The following ZSCAN18 variants were observed in gnomAD, a reference collection of about 807,000 sequenced individuals.
The protein encoded by ZSCAN18 is zinc finger and SCAN domain containing 18.
Under a neutral mutation model 31.1 loss-of-function variants are expected in ZSCAN18, and 16 were observed. The observed-to-expected ratio is 0.51, with a 90% confidence interval of 0.35 to 0.78. ZSCAN18 has a LOEUF of 0.78. Ranked by LOEUF, ZSCAN18 falls within the 30% of genes least tolerant of loss-of-function variation. ZSCAN18 has a pLI of 0.01. For synonymous variants in ZSCAN18, 375 were observed against 320.7 expected, an observed-to-expected ratio of 1.17 and a Z score of -1.81; for missense variants, 731 against 697.4, an observed-to-expected ratio of 1.05 and a Z score of -0.54.
At chr19:58,111,342 A>AC (rs1166767702) in intron 1 of ZSCAN18, among the ~76,000 whole-genome samples, 1 of 151,370 alleles carries the variant, frequency 6.6e-6, no homozygotes, top group Admixed American at 6.6e-5. Flanking sequence ...TTAAAACTGA[A>AC]CCCCCCGAAA....
At chr19:58,094,045 G>T (rs1427129303) in intron 1 of ZSCAN18, among the ~76,000 whole-genome samples, 1 of 151,992 alleles carries the variant, frequency 6.6e-6, no homozygotes, top group Non-Finnish European at 1.5e-5. Context: ...GATTACAAGA[G>T]TGAGCCACTG....
At chr19:58,088,648 T>G (rs561260817) in intron 3 of ZSCAN18, 40 bp downstream of exon 3, 3 of 1,594,814 alleles carry the variant, frequency 1.9e-6, no homozygotes, top group South Asian at 2.2e-5. Flanking sequence ...ACACCCCACC[T>G]AAGGCCCAGC....
chr19:58,086,213 G>A lies in ZSCAN18; in HGVS notation c.799C>T (p.Arg267Trp), dbSNP rs181607989. Reference protein sequence around the residue: ...AASRLDTEELRLVERDPQGSS... With the variant: ...AASRLDTEELWLVERDPQGSS... ...CCTTGTGGATCTCTTTCCACCAACC[G>A]GAGTTCCTCAGTGTCCAGCCTGGAG... Residue 267 changes from arginine to tryptophan, a missense_variant, in exon 6 of 7, where the codon CGG becomes TGG. Physicochemically the swap from Arg to Trp is moderately radical, Grantham distance 101 (BLOSUM62 -3). This residue lies in a region of ZSCAN18 where 597 missense variants were observed against 499.5 expected (regional missense o/e 1.20). Coordinates refer to ENST00000601144, the MANE Select transcript of ZSCAN18 (RefSeq NM_001145543.2). 215 of 1,613,926 alleles carry A rather than the reference G, an allele frequency of 1.3e-4. 1 individual carries two copies. The East Asian group carries it at 2.5e-3, about 19-fold the overall frequency.
rs1349222967 is a variant in ZSCAN18 at position 58,106,725 on chromosome 19, A to AAAAG, written c.130+11538_130+11541dup. Reference sequence around the variant, plus strand: ...TCTCAAAAAAAAAAAAAAAAAAAAAAAAAGAAAGAAAGAAAAAAAGACATC... The same window carrying AAAAG: ...TCTCAAAAAAAAAAAAAAAAAAAAAAAAAGAAAGAAAGAAAGAAAAAAAGACATC... On this transcript the variant is annotated intron_variant, in intron 1 of 1. Transcript: ENST00000595721. Among the ~76,000 whole-genome samples, 10 of 9,822 alleles carry AAAAG rather than the reference A, an allele frequency of 1.0e-3. 2 individuals carry two copies. Among genetic ancestry groups the AAAAG allele is most frequent in the South Asian group, 5.8e-3 (2 of 342 alleles). 6.4% of individuals were successfully genotyped at this position (9,822 alleles called of 152,430 possible).
In ZSCAN18 at chr19:58,084,572, A is replaced by AC. The variant is rs2074219946; in HGVS notation, c.*112dup. ...AGCGGATTCAGGGCACAGGCAGAGG[A>AC]CGTCCACAAACACCACAGGAAGCCG... is the stretch of plus-strand genomic sequence containing the variant. On this transcript the variant is annotated 3_prime_UTR_variant, in exon 7 of 7. Coordinates refer to ENST00000601144, the MANE Select transcript of ZSCAN18 (RefSeq NM_001145543.2). The surrounding 1 kb of genome is among the most constrained non-coding windows in gnomAD (Gnocchi z 4.5). 4 of 1,063,980 alleles carry AC rather than the reference A, an allele frequency of 3.8e-6. No individual in the cohort carries two copies. In the South Asian group the frequency reaches 7.5e-5, roughly 20 times the overall value. 65.9% of individuals were successfully genotyped at this position (1,063,980 alleles called of 1,614,324 possible). A position where few individuals can be genotyped will look rare whatever the true frequency, so the allele number is the denominator to read the frequency against.
exon 1 of ZSCAN18, chr19:58,118,374 G>T: frequency 6.5e-7 from 1 of 1,532,350 alleles, no homozygotes; most frequent in Non-Finnish European, 8.8e-7. Flanking sequence ...GTCCTCGTCA[G>T]CTCGCCCTCC....
chr19:58,116,265 C>G (rs1002784971), intron 1 of ZSCAN18, among the ~76,000 whole-genome samples: 1 of 148,372 alleles, frequency 6.7e-6, no homozygotes, highest in Non-Finnish European at 1.5e-5. Flanking sequence ...TCACACACCC[C>G]CTCTGTGATC....
Position 58,086,274 on chromosome 19 carries a change from G to C in ZSCAN18, c.746-8C>G. The C allele has an allele frequency of 1.2e-6, 2 of 1,612,934 alleles. No homozygotes were observed. The highest frequency in any genetic ancestry group is 1.7e-4 in the Middle Eastern group (1 of 6,056). On this transcript the variant is annotated splice_region_variant and splice_polypyrimidine_tract_variant and intron_variant, in intron 5 of 6. Coordinates refer to ENST00000601144, the MANE Select transcript of ZSCAN18 (RefSeq NM_001145543.2). ...GCTGGGAAAGCTGATACCCTGAGTG[G>C]GGTTAAAAACCAAAGAAATAAAAGG... is the stretch of plus-strand genomic sequence containing the variant.
At chr19:58,092,731 G>A in intron 1 of ZSCAN18, 2 of 983,514 alleles carry the variant, frequency 2.0e-6, no homozygotes, top group Non-Finnish European at 2.4e-6. Flanking sequence ...GCAGAACAGA[G>A]CCATGCCGTG....
chr19:58,091,345 T>A (rs1174048407), intron 1 of ZSCAN18, among the ~76,000 whole-genome samples: 2 of 151,420 alleles, frequency 1.3e-5, no homozygotes, highest in Non-Finnish European at 2.9e-5. Context: ...AGACTGTTCC[T>A]CCAGTTAAAA....
intron 1 of ZSCAN18, chr19:58,108,338 T>C: frequency 1.0e-5 from 10 of 985,476 alleles, no homozygotes; most frequent in Non-Finnish European, 1.2e-5. Context: ...ATTCATTACA[T>C]TCGAATAGTT....
At chr19:58,109,174 T>G in intron 1 of ZSCAN18, 1 of 1,231,322 alleles carries the variant, frequency 8.1e-7, no homozygotes, top group East Asian at 3.2e-5. Flanking sequence ...GTCCTCACAT[T>G]CCCAGACCTC....
At chr19:58,109,221 AC>A in intron 1 of ZSCAN18, 13 of 1,231,684 alleles carry the variant, frequency 1.1e-5, no homozygotes, top group Non-Finnish European at 1.3e-5. Flanking sequence ...TCCCTGATGA[AC>A]CTTTTTATTT....
At chr19:58,109,818 A>T (rs28715340) in intron 1 of ZSCAN18, among the ~76,000 whole-genome samples, 1 of 152,190 alleles carries the variant, frequency 6.6e-6, no homozygotes, top group African/African-American at 2.4e-5. Flanking sequence ...CCAGATTTTT[A>T]AAAAATTAAC....
At chr19:58,092,585 A>G (rs2074435881) in intron 1 of ZSCAN18, 1 of 535,434 alleles carries the variant, frequency 1.9e-6, no homozygotes. Flanking sequence ...CAAAAAAAAA[A>G]AAAAAAAAAA....
At chr19:58,107,528 T>C (rs750855854) in intron 1 of ZSCAN18, 33 of 461,430 alleles carry the variant, frequency 7.2e-5, no homozygotes, top group Non-Finnish European at 9.4e-5. Flanking sequence ...ACTACTGCAC[T>C]GCAGCCTGGG....
chr19:58,114,941 G>GT (rs1242831153), intron 1 of ZSCAN18, among the ~76,000 whole-genome samples: 2 of 152,362 alleles, frequency 1.3e-5, no homozygotes, highest in Non-Finnish European at 2.9e-5. Context: ...AGAGACGGTT[G>GT]TAAGTGTTCA....
Position 58,085,374 on chromosome 19 carries a change from C to T in ZSCAN18, c.844G>A (p.Gly282Arg). 2 of 1,588,098 alleles carry T rather than the reference C, an allele frequency of 1.3e-6. No individual in the cohort carries two copies. Among genetic ancestry groups the T allele is most frequent in the Non-Finnish European group, 8.5e-7 (1 of 1,176,026 alleles). ...DPQGSSLPEG[G>R]RRQESAGCAC... The stretch of plus-strand genomic sequence containing the variant: ...CACCCAGCGCTCTCCTGCCGCCTCC[C>T]GCCTTCTGGAACAAGGTCAGAGCCC... The change falls in exon 7 of 7, where the codon GGG (glycine) becomes AGG (arginine). Residue 282 changes from glycine to arginine, a missense_variant. This residue lies in a region of ZSCAN18 where 597 missense variants were observed against 499.5 expected (regional missense o/e 1.20). Transcript: ENST00000601144.
intron 1 of ZSCAN18, chr19:58,107,747 C>A: frequency 1.0e-6 from 1 of 990,746 alleles, no homozygotes; most frequent in Non-Finnish European, 1.2e-6. Flanking sequence ...CAGATGCTCA[C>A]TGAATCCCCA....
Sources: gnomAD v4.1 joint callset for allele counts (sites outside exome capture counted in the v4.1 genomes callset) on GRCh38, gnomAD v4.1.1 for gene constraint, gnomAD v4.1.1 regional missense constraint, Gnocchi (gnomAD v3.1) non-coding constraint, MANE v1.5 for transcripts, NCBI Gene and HGNC (gene_info 2026-07-23, HGNC 2026-07-21) for gene names.